Variants in ZNF140 observed in about 807,000 individuals in gnomAD.
ZNF140 encodes zinc finger protein 140 (clone pHZ-39).
A neutral mutation model predicts 12.9 loss-of-function variants in ZNF140; 13 were observed. The ratio of observed to expected loss-of-function variants is 1.01; its 90% CI spans 0.66 to 1.60. The LOEUF (loss-of-function observed/expected upper bound fraction) is 1.60, where lower values mean the gene tolerates loss of function less well. Ranked by LOEUF, ZNF140 falls within the 40% of genes most tolerant of loss-of-function variation. The pLI is 0.00. For synonymous variants in ZNF140, 214 were observed against 186.7 expected, an observed-to-expected ratio of 1.15 and a Z score of -1.19; for missense variants, 531 against 548.8, an observed-to-expected ratio of 0.97 and a Z score of 0.32.
intron 4 of ZNF140, among the ~76,000 whole-genome samples, chr12:133,083,803 C>CA (rs1473105385): frequency 6.6e-6 from 1 of 151,814 alleles, no homozygotes; most frequent in Admixed American, 6.6e-5. Context: ...GCTAAAAATA[C>CA]AAAAAAATTT....
chr12:133,104,581 G>A (rs1004587759), intron 4 of ZNF140, among the ~76,000 whole-genome samples: 26 of 152,086 alleles, frequency 1.7e-4, no homozygotes, highest in African/African-American at 5.6e-4. Flanking sequence ...TCGATCTCCT[G>A]ACCTCATGAT....
intron 4 of ZNF140, among the ~76,000 whole-genome samples, chr12:133,101,690 G>A (rs1374501593): frequency 3.3e-5 from 5 of 152,138 alleles, no homozygotes; most frequent in Non-Finnish European, 7.3e-5. Flanking sequence ...TGATCTGCCA[G>A]CCTCCACCTC....
Position 133,081,250 on chromosome 12 carries a change from G to C in ZNF140, c.-48-23G>C, listed in dbSNP as rs1476521225. ...GCGGCCTAGCTGGCCTGTTCGCTCA[G>C]GGCTCCTTTCTCTCTCTGCCAGGTC... On this transcript the variant is annotated intron_variant, in intron 1 of 4. Coordinates refer to ENST00000355557, the MANE Select transcript of ZNF140 (RefSeq NM_003440.4). 2.1e-6 allele frequency: 3 copies of C among 1,427,798 alleles called. No homozygotes were observed. The African/African-American group carries it at 4.3e-5, about 21-fold the overall frequency. The allele number at this position is 1,427,798 out of a possible 1,614,324, so 88.4% of individuals were successfully genotyped here.
intron 4 of ZNF140, among the ~76,000 whole-genome samples, chr12:133,096,046 T>C (rs1955103594): frequency 6.6e-6 from 1 of 151,082 alleles, no homozygotes; most frequent in South Asian, 2.1e-4. Context: ...ACAGACCCTT[T>C]ATGGGTGTCG....
Position 133,106,246 on chromosome 12 carries a change from T to C in ZNF140, c.969T>C (p.His323=), listed in dbSNP as rs375939646. The C allele has an allele frequency of 3.7e-6, 6 of 1,614,170 alleles. No individual in the cohort carries two copies. Among genetic ancestry groups the C allele is most frequent in the Non-Finnish European group, 5.1e-6 (6 of 1,180,018 alleles). Residue 323 remains histidine (H), a synonymous_variant, in exon 5 of 5, where the codon CAT becomes CAC. Transcript: ENST00000355557. The part of the protein sequence containing the change: ...FSHLTRHQSI[H]TTKTPYECNE... ...ACCTTACTCGACATCAGAGCATCCA[T>C]ACAACCAAAACCCCGTATGAATGTA...
At chr12:133,091,576 A>G (rs1954893638) in intron 4 of ZNF140, among the ~76,000 whole-genome samples, 1 of 148,292 alleles carries the variant, frequency 6.7e-6, no homozygotes, top group Non-Finnish European at 1.5e-5. Context: ...CAAAACCGCC[A>G]TCGTCATCAT....
chr12:133,104,407 A>G (rs1482950111), intron 4 of ZNF140, among the ~76,000 whole-genome samples: 4 of 149,666 alleles, frequency 2.7e-5, no homozygotes, highest in African/African-American at 7.4e-5. Context: ...GTTGGAGTGC[A>G]GTGGCGCAAT....
chr12:133,102,736 G>C (rs1014100709), intron 4 of ZNF140, among the ~76,000 whole-genome samples: 1 of 145,472 alleles, frequency 6.9e-6, no homozygotes, highest in Admixed American at 6.9e-5. Flanking sequence ...GTGACAGAGC[G>C]AGACTCCGTT....
chr12:133,096,855 TCTA>T (rs1955148079), intron 4 of ZNF140, among the ~76,000 whole-genome samples: 1 of 152,260 alleles, frequency 6.6e-6, no homozygotes, highest in African/African-American at 2.4e-5. Context: ...AATGAAGTAG[TCTA>T]CTGATATCAG....
chr12:133,083,191 GT>G lies in ZNF140; in HGVS notation c.99del (p.Cys33TrpfsTer2). 1 of 1,614,156 alleles carries G rather than the reference GT, an allele frequency of 6.2e-7. No individual in the cohort carries two copies. The highest frequency in any genetic ancestry group is 8.5e-7 in the Non-Finnish European group (1 of 1,179,998). On this transcript the variant is annotated frameshift_variant, in exon 3 of 5. Coordinates refer to ENST00000355557, the MANE Select transcript of ZNF140 (RefSeq NM_003440.4). LOFTEE classifies it high-confidence loss of function. ...CCTGCTCAAAGAGATTTGTACAGATGTGTAATGTTGGAGAACTATGGCCATC... is the reference window on the plus strand; with the variant it reads ...CCTGCTCAAAGAGATTTGTACAGATGGTAATGTTGGAGAACTATGGCCATC... ...LQPAQRDLYRCVMLENYGHLV... is the reference protein window; with the variant it reads ...LQPAQRDLYRXVMLENYGHLV...
intron 4 of ZNF140, among the ~76,000 whole-genome samples, chr12:133,098,643 C>T (rs1955223711): frequency 6.6e-6 from 1 of 152,146 alleles, no homozygotes; most frequent in East Asian, 1.9e-4. Flanking sequence ...TCCTCCAGTC[C>T]TTAGTATCAC....
At chr12:133,097,813 C>G (rs1049092218) in intron 4 of ZNF140, among the ~76,000 whole-genome samples, 2 of 92,882 alleles carry the variant, frequency 2.2e-5, no homozygotes, top group African/African-American at 8.7e-5. Context: ...GGCACCACAT[C>G]TAACCATGTG....
In ZNF140 at chr12:133,106,778, C is replaced by T. The variant is rs1045755697; in HGVS notation, c.*127C>T. 1.1e-5 allele frequency: 9 copies of T among 786,456 alleles called. No individual in the cohort carries two copies. The highest frequency in any genetic ancestry group is 5.3e-5 in the African/African-American group (3 of 56,388). 48.7% of individuals were successfully genotyped at this position (786,456 alleles called of 1,614,324 possible). On this transcript the variant is annotated 3_prime_UTR_variant, in exon 5 of 5. Coordinates refer to ENST00000355557, the MANE Select transcript of ZNF140 (RefSeq NM_003440.4). ...GATGACTGTGAAGTAATATGGCCCA[C>T]ACTTTATTCACCACCCTGGAGAAAA... is the stretch of plus-strand genomic sequence containing the variant.
intron 2 of ZNF140, chr12:133,082,497 G>C (rs1267165302): frequency 6.6e-6 from 1 of 152,670 alleles, no homozygotes; most frequent in Non-Finnish European, 1.5e-5. Flanking sequence ...CTAACTCTGA[G>C]GGAAAGTGCT....
Position 133,106,108 on chromosome 12 carries a change from A to C in ZNF140, c.831A>C (p.Lys277Asn), listed in dbSNP as rs1437065713. ...HIGKKQYICR[K>N]CGKAFSSGSE... ...GAAAGAAACAATATATATGTAGGAA[A>C]TGTGGTAAAGCATTTAGCAGTGGCT... is the stretch of plus-strand genomic sequence containing the variant. The change falls in exon 5 of 5, where the codon AAA (lysine) becomes AAC (asparagine). Residue 277 changes from lysine (K) to asparagine (N), a missense_variant. Lys to Asn is a moderately conservative substitution (Grantham distance 94). Transcript: ENST00000355557. 2 of 1,614,208 alleles carry C rather than the reference A, an allele frequency of 1.2e-6. No individual in the cohort carries two copies. The highest frequency in any genetic ancestry group is 1.7e-6 in the Non-Finnish European group (2 of 1,180,032).
intron 4 of ZNF140, among the ~76,000 whole-genome samples, chr12:133,088,421 T>G (rs2137503563): frequency 6.6e-6 from 1 of 152,368 alleles, no homozygotes; most frequent in East Asian, 1.9e-4. Context: ...TAGTTACATG[T>G]CTTTTCATGG....
Position 133,106,655 on chromosome 12 carries a change from T to A in ZNF140, c.*4T>A. ...ATTCCTTACTGAACACCAGTGAATT[T>A]ACACTGCAAAGAAAAACTATGAATG... On this transcript the variant is annotated 3_prime_UTR_variant, in exon 5 of 5. Coordinates refer to ENST00000355557, the MANE Select transcript of ZNF140 (RefSeq NM_003440.4). The A allele has an allele frequency of 6.4e-7, 1 of 1,559,698 alleles. No individual in the cohort carries two copies. The highest frequency in any genetic ancestry group is 2.2e-5 in the East Asian group (1 of 44,538).
intron 4 of ZNF140, among the ~76,000 whole-genome samples, chr12:133,102,174 C>A (rs1955373000): frequency 1.3e-5 from 2 of 152,042 alleles, no homozygotes; most frequent in Admixed American, 1.3e-4. Context: ...GATAGGATGG[C>A]TAGAAGGGGC....
At chr12:133,101,959 CTTT>C (rs1275544316) in intron 4 of ZNF140, among the ~76,000 whole-genome samples, 1 of 145,840 alleles carries the variant, frequency 6.9e-6, no homozygotes, top group African/African-American at 2.5e-5. Flanking sequence ...TCTGTTCAAA[CTTT>C]TTTTTTTTTG....
Sources: gnomAD v4.1 joint callset for allele counts (sites outside exome capture counted in the v4.1 genomes callset) on GRCh38, gnomAD v4.1.1 for gene constraint, MANE v1.5 for transcripts, NCBI Gene and HGNC (gene_info 2026-07-23, HGNC 2026-07-21) for gene names.